KCND3: variants seen among roughly 807,000 people sequenced by gnomAD.
The protein encoded by KCND3 is A-type voltage-gated potassium channel KCND3.
A neutral mutation model predicts 51.1 loss-of-function variants in KCND3; 9 were observed. That is an observed-to-expected ratio of 0.18 (90% CI 0.11 to 0.31). The LOEUF is 0.31. KCND3 is among the 10% of genes least tolerant of loss of function. The probability of loss-of-function intolerance (pLI) is 1.00; values close to 1 mark genes in which losing one functional copy is unlikely to be tolerated. For missense variants in KCND3, 526 were observed against 903.8 expected (o/e 0.58, Z 5.36); for synonymous variants, 349 against 368.0 (o/e 0.95, Z 0.59).
chr1:111,905,065 G>A (rs1670582671), intron 2 of KCND3, among the ~76,000 whole-genome samples: 1 of 152,230 alleles, frequency 6.6e-6, no homozygotes, highest in African/African-American at 2.4e-5. Context: ...CACTGAGAAT[G>A]GATGAATCAG....
chr1:111,891,885 T>C (rs1669840176), intron 2 of KCND3, among the ~76,000 whole-genome samples: 2 of 152,200 alleles, frequency 1.3e-5, no homozygotes, highest in Non-Finnish European at 2.9e-5. Flanking sequence ...CCAGGAACTG[T>C]ATTAGATCCT....
chr1:111,801,391 C>A (rs993032509), intron 2 of KCND3, among the ~76,000 whole-genome samples: 3 of 152,220 alleles, frequency 2.0e-5, no homozygotes, highest in African/African-American at 7.2e-5. Context: ...GGAGCTAGGA[C>A]ACAGAAGCTG....
intron 2 of KCND3, among the ~76,000 whole-genome samples, chr1:111,788,738 T>C (rs1664711660): frequency 6.6e-6 from 1 of 152,226 alleles, no homozygotes; most frequent in Non-Finnish European, 1.5e-5. Flanking sequence ...ACATGGATTC[T>C]GAATTTAGAT....
At chr1:111,880,377 G>T (rs1470806083) in intron 2 of KCND3, among the ~76,000 whole-genome samples, 1 of 152,134 alleles carries the variant, frequency 6.6e-6, no homozygotes, top group Non-Finnish European at 1.5e-5. Flanking sequence ...CTGAGAACAG[G>T]GTGGGGCGCC....
At chr1:111,978,139 T>C (rs1270812506) in intron 2 of KCND3, among the ~76,000 whole-genome samples, 2 of 152,172 alleles carry the variant, frequency 1.3e-5, no homozygotes, top group Admixed American at 6.5e-5. Flanking sequence ...TAAACGGTAA[T>C]AATTGGTTCC....
At chr1:111,934,385 C>T (rs1411519205) in intron 2 of KCND3, among the ~76,000 whole-genome samples, 1 of 152,236 alleles carries the variant, frequency 6.6e-6, no homozygotes, top group Non-Finnish European at 1.5e-5. Flanking sequence ...AAAACTCTTG[C>T]TTGCTAAGGA....
Position 111,981,536 on chromosome 1 carries a change from C to G in KCND3, c.1106+85G>C. 3.1e-6 allele frequency: 5 copies of G among 1,593,172 alleles called. No individual in the cohort carries two copies. Among genetic ancestry groups the G allele is most frequent in the Non-Finnish European group, 4.3e-6 (5 of 1,162,082 alleles). Reference sequence around the variant, plus strand: ...GGTAAGGGACTCCCTCCTCCTCTACCCATGGTGACACCATCCAAGGTTTCA... The same window carrying G: ...GGTAAGGGACTCCCTCCTCCTCTACGCATGGTGACACCATCCAAGGTTTCA... On this transcript the variant is annotated intron_variant, in intron 2 of 7. Transcript: ENST00000302127. This position sits in a 1 kb window ranked among gnomAD's most constrained non-coding sequence, Gnocchi z 6.2.
rs1670161842 is a variant in KCND3, at chr1:111,897,218, G to C, written c.1106+84403C>G. Among the ~76,000 whole-genome samples, 4 of 152,222 alleles carry C rather than the reference G, an allele frequency of 2.6e-5. No homozygotes were observed. The South Asian group carries it at 8.3e-4, about 32-fold the overall frequency. Reference sequence around the variant, plus strand: ...TTTAGTGTTTGTAGGATTTCCTGGGGTTGCTGTGACAGTCCAACAGTCCCA... The same window carrying C: ...TTTAGTGTTTGTAGGATTTCCTGGGCTTGCTGTGACAGTCCAACAGTCCCA... On this transcript the variant is annotated intron_variant, in intron 2 of 7. Transcript: ENST00000302127.
At position 111,773,409 on chromosome 1, in the gene KCND3, TTTTTTTTTTTCTTTTC is replaced by T. The variant is rs1438221854; in HGVS notation, c.*2652_*2667del. ...GTGCAACCAGTTCTAATTTACCTCC[TTTTTTTTTTTCTTTTC>T]TTTTTTTTTTTTTTGAGACGGAGTC... is the stretch of plus-strand genomic sequence containing the variant. On this transcript the variant is annotated 3_prime_UTR_variant, in exon 8 of 8. Coordinates refer to ENST00000302127, the MANE Select transcript of KCND3 (RefSeq NM_001378969.1). 1.4e-5 allele frequency: 1 copy of T among 73,206 alleles called. No homozygotes were observed. The highest frequency in any genetic ancestry group is 4.5e-4 in the East Asian group (1 of 2,234). 4.5% of individuals were successfully genotyped at this position (73,206 alleles called of 1,614,324 possible).
intron 2 of KCND3, among the ~76,000 whole-genome samples, chr1:111,972,931 T>A (rs1162422309): frequency 6.6e-6 from 1 of 152,256 alleles, no homozygotes; most frequent in African/African-American, 2.4e-5. Context: ...TGCTTAAGTA[T>A]GCGTGTCCAG....
At chr1:111,893,452 G>A (rs1669945167) in intron 2 of KCND3, among the ~76,000 whole-genome samples, 1 of 152,104 alleles carries the variant, frequency 6.6e-6, no homozygotes, top group African/African-American at 2.4e-5. Context: ...TAGGAGACTC[G>A]GGACTATTGA....
At position 111,945,903 on chromosome 1, in the gene KCND3, C is replaced by T. The variant is rs184738751; in HGVS notation, c.1106+35718G>A. ...GTGGTGCAAGGAGCATGGGCTTTGG[C>T]GTCAGATGGACTGGGCTCTGGTCCT... On this transcript the variant is annotated intron_variant, in intron 2 of 7. Transcript: ENST00000302127. 1.2e-4 allele frequency among the ~76,000 whole-genome samples: 19 copies of T among 152,306 alleles called. No individual in the cohort carries two copies. In the East Asian group the frequency reaches 1.9e-3, roughly 15 times the overall value.
At chr1:111,956,463 C>A (rs1673348242) in intron 2 of KCND3, among the ~76,000 whole-genome samples, 1 of 152,196 alleles carries the variant, frequency 6.6e-6, no homozygotes, top group Non-Finnish European at 1.5e-5. Flanking sequence ...AATTAAGTTT[C>A]TCTCAGGCTG....
chr1:111,870,262 G>A (rs1317771738), intron 2 of KCND3, among the ~76,000 whole-genome samples: 1 of 152,198 alleles, frequency 6.6e-6, no homozygotes, highest in Non-Finnish European at 1.5e-5. Flanking sequence ...TCTCTCTTCT[G>A]AGCTGGAACT....
chr1:111,930,802 G>C (rs1398644163), intron 2 of KCND3, among the ~76,000 whole-genome samples: 2 of 152,232 alleles, frequency 1.3e-5, no homozygotes, highest in African/African-American at 4.8e-5. Flanking sequence ...TATAAGGATG[G>C]CAAAGATACA....
intron 2 of KCND3, among the ~76,000 whole-genome samples, chr1:111,876,520 C>T (rs958301228): frequency 6.6e-6 from 1 of 152,198 alleles, no homozygotes; most frequent in African/African-American, 2.4e-5. Context: ...GGCTGCCTAC[C>T]CTGACTTCAG....
chr1:111,820,879 A>T (rs899608010), intron 2 of KCND3, among the ~76,000 whole-genome samples: 6 of 152,188 alleles, frequency 3.9e-5, no homozygotes, highest in African/African-American at 1.4e-4. Context: ...TGAGGCATCT[A>T]CAAGTCAAGG....
chr1:111,985,915 T>TGGAACTGA (rs138839138), intron 1 of KCND3, among the ~76,000 whole-genome samples: 18 of 152,176 alleles, frequency 1.2e-4, no homozygotes, highest in East Asian at 3.8e-4. Context: ...AGCTGATTAC[T>TGGAACTGA]GGAACTGAGG....
intron 5 of KCND3, among the ~76,000 whole-genome samples, chr1:111,779,278 T>C (rs899677399): frequency 4.6e-5 from 7 of 151,728 alleles, no homozygotes; most frequent in African/African-American, 9.7e-5. Context: ...CTGGGCAACA[T>C]AGCAAGATCC....
Sources: gnomAD v4.1 joint callset for allele counts (sites outside exome capture counted in the v4.1 genomes callset) on GRCh38, gnomAD v4.1.1 for gene constraint, Gnocchi (gnomAD v3.1) non-coding constraint, MANE v1.5 for transcripts, NCBI Gene and HGNC (gene_info 2026-07-23, HGNC 2026-07-21) for gene names.